BNIP5: variants seen among roughly 807,000 people sequenced by gnomAD.
BNIP5 encodes BCL2 interacting protein 5.
In BNIP5, 61 loss-of-function variants were observed where a neutral mutation model predicts 67.3. That is an observed-to-expected ratio of 0.91 (90% confidence interval 0.74 to 1.12). The LOEUF (loss-of-function observed/expected upper bound fraction) is 1.12. Among genes scored for constraint, BNIP5 ranks in the 50% most tolerant of loss-of-function variants. The probability of loss-of-function intolerance (pLI) is 0.00; values close to 1 mark genes in which losing one functional copy is unlikely to be tolerated. For missense variants in BNIP5, 826 were observed against 816.3 expected (o/e 1.01, Z -0.14); for synonymous variants, 317 against 319.0 (o/e 0.99, Z 0.07).
intron 7 of BNIP5, 86 bp from the exon 8 acceptor site, chr6:36,323,619 C>T: frequency 1.3e-6 from 2 of 1,500,904 alleles, no homozygotes; most frequent in Non-Finnish European, 1.8e-6. Flanking sequence ...CCACGGTGGG[C>T]TAGCAGGCGT....
intron 2 of BNIP5, 57 bp downstream of exon 2, chr6:36,330,024 T>C: frequency 2.0e-6 from 3 of 1,511,086 alleles, no homozygotes; most frequent in South Asian, 1.3e-5. Context: ...GAGAGGCTCC[T>C]GGAGCAAGTT....
In BNIP5 at chr6:36,333,899, C is replaced by A. The variant is rs141508482; in HGVS notation, c.-5+2813G>T. 2.1e-3 allele frequency among the ~76,000 whole-genome samples: 316 copies of A among 152,332 alleles called. 1 individual carries two copies. Among genetic ancestry groups the A allele is most frequent in the African/African-American group, 7.2e-3 (301 of 41,568 alleles). On this transcript the variant is annotated intron_variant, in intron 1 of 11. Coordinates refer to ENST00000437635, the MANE Select transcript of BNIP5 (RefSeq NM_001010903.5). ...GGATGGGGTTGTCAGAGAAGCTGTT[C>A]ATTAACAAAACCACAGAACCAGGAC...
chr6:36,328,667 T>C lies in BNIP5; in HGVS notation c.658A>G (p.Thr220Ala). The stretch of plus-strand genomic sequence containing the variant: ...TGGGGAGAAACATCCAAAGCTCCAG[T>C]ACCATCCACTTTGATGAGGAAGGAC... ...HQSFLIKVDG[T>A]GALDVSPHAT... is the part of the protein sequence containing the mutation. Residue 220 changes from threonine to alanine, a missense_variant, in exon 3 of 12, where the codon ACT becomes GCT. Coordinates refer to ENST00000437635, the MANE Select transcript of BNIP5 (RefSeq NM_001010903.5). 6.2e-7 allele frequency: 1 copy of C among 1,614,066 alleles called. No homozygotes were observed. The highest frequency in any genetic ancestry group is 8.5e-7 in the Non-Finnish European group (1 of 1,179,954).
chr6:36,331,119 G>A (rs747325264), intron 1 of BNIP5, among the ~76,000 whole-genome samples: 1 of 152,190 alleles, frequency 6.6e-6, no homozygotes. Flanking sequence ...TCCTGGTGCT[G>A]ACCAGTGGGC....
At chr6:36,331,334 C>G (rs1329400745) in intron 1 of BNIP5, among the ~76,000 whole-genome samples, 1 of 152,216 alleles carries the variant, frequency 6.6e-6, no homozygotes, top group African/African-American at 2.4e-5. Context: ...TAGCCCTGTC[C>G]ACACCTAGGT....
intron 9 of BNIP5, among the ~76,000 whole-genome samples, chr6:36,321,784 T>C (rs866285482): frequency 2.0e-5 from 3 of 152,250 alleles, no homozygotes; most frequent in African/African-American, 7.2e-5. Flanking sequence ...CTCGCCTCAC[T>C]GCAACCTCGG....
At chr6:36,334,916 G>A (rs776049974) in intron 1 of BNIP5, among the ~76,000 whole-genome samples, 12 of 152,202 alleles carry the variant, frequency 7.9e-5, no homozygotes, top group Non-Finnish European at 1.6e-4. Context: ...TCCTAAGTGA[G>A]CAGCGTGGTC....
intron 2 of BNIP5, 78 bp downstream of exon 2, chr6:36,330,003 G>C: frequency 6.8e-7 from 1 of 1,474,292 alleles, no homozygotes; most frequent in Middle Eastern, 2.2e-4. Context: ...GACTATCCCT[G>C]TCCCTCTGTG....
rs376382683 is a variant in BNIP5, at chr6:36,330,456, C to T, written c.235G>A (p.Glu79Lys). 255 of 1,614,170 alleles carry T rather than the reference C, an allele frequency of 1.6e-4. 1 individual carries two copies. In the South Asian group the frequency reaches 2.5e-3, roughly 16 times the overall value. ...CTGGGGAGAAAATCTCCGGTCTCCT[C>T]GGGAGTGGGGGCTGCAGCGGTGGTG... ...HCTTAAAPTP[E>K]ETGDFLPSEQ... Residue 79 changes from glutamate (E) to lysine (K), a missense_variant, in exon 2 of 12, where the codon GAG (glutamate) becomes AAG (lysine). By Grantham distance (56) the Glu-to-Lys change is moderately conservative. Coordinates refer to ENST00000437635, the MANE Select transcript of BNIP5 (RefSeq NM_001010903.5).
chr6:36,334,518 C>T (rs1486831300), intron 1 of BNIP5, among the ~76,000 whole-genome samples: 2 of 152,152 alleles, frequency 1.3e-5, no homozygotes, highest in East Asian at 3.9e-4. Context: ...TCCTCCCTCT[C>T]CCCCGCTCCA....
chr6:36,319,490 C>T lies in BNIP5; in HGVS notation c.1789G>A (p.Ala597Thr), dbSNP rs779023756. ...ACGTCAAACTGGTAGAGTCTCCTGG[C>T]GCGGTTCCTGTCCAGCTTAGAGGAG... ...AHSSKLDRNRARRLYQFDVSL... is the reference protein window; with the variant it reads ...AHSSKLDRNRTRRLYQFDVSL... Residue 597 changes from alanine (A) to threonine (T), a missense_variant, in exon 11 of 12, where the codon GCC (alanine) becomes ACC (threonine). Transcript: ENST00000437635. The T allele has an allele frequency of 6.8e-6, 11 of 1,614,026 alleles. No homozygotes were observed. Among genetic ancestry groups the T allele is most frequent in the Non-Finnish European group, 6.8e-6 (8 of 1,180,038 alleles).
At position 36,322,421 on chromosome 6, in the gene BNIP5, C is replaced by T. The variant is rs139943181; in HGVS notation, c.1493G>A (p.Arg498Gln). ...CTCCCCTTCTGCGGGCAGGGGCTCC[C>T]GGCACTCGAGATCTTCTGGATCTAG... Reference protein sequence around the residue: ...SSLDPEDLECREPLPAEGEPV... With the variant: ...SSLDPEDLECQEPLPAEGEPV... The change falls in exon 9 of 12, where the codon CGG becomes CAG. Residue 498 changes from arginine (R) to glutamine (Q), a missense_variant. Transcript: ENST00000437635. The T allele has an allele frequency of 3.8e-5, 61 of 1,613,756 alleles. No individual in the cohort carries two copies. The highest frequency in any genetic ancestry group is 4.7e-5 in the Non-Finnish European group (56 of 1,179,938).
intron 4 of BNIP5, 39 bp from the exon 5 acceptor site, chr6:36,326,792 A>T (rs776422809): frequency 6.2e-7 from 1 of 1,611,080 alleles, no homozygotes; most frequent in Non-Finnish European, 8.5e-7. Flanking sequence ...GGTTCATGAC[A>T]CTGAGAGGGG....
chr6:36,322,267 A>G (rs566320129), intron 9 of BNIP5, 44 bp downstream of exon 9: 2 of 1,611,638 alleles, frequency 1.2e-6, no homozygotes, highest in South Asian at 2.2e-5. Flanking sequence ...GTGGAAGAGA[A>G]GCACCCGGGA....
At position 36,325,187 on chromosome 6, in the gene BNIP5, T is replaced by C; in HGVS notation, c.1168+96A>G. The C allele has an allele frequency of 7.2e-6, 10 of 1,386,548 alleles. No individual in the cohort carries two copies. The South Asian group carries it at 1.2e-4, about 16-fold the overall frequency. The allele number at this position is 1,386,548 out of a possible 1,614,324, so 85.9% of individuals were successfully genotyped here. A position where few individuals can be genotyped will look rare whatever the true frequency, so the allele number is the denominator to read the frequency against. ...GTACTCAGAGGGAGGTCTGGACAGG[T>C]CACTGCCTCTCTCTGGCTCAGTGTC... On this transcript the variant is annotated intron_variant, in intron 6 of 11. Transcript: ENST00000437635.
At position 36,327,056 on chromosome 6, in the gene BNIP5, T is replaced by C. The variant is rs574314102; in HGVS notation, c.766A>G (p.Arg256Gly). The C allele has an allele frequency of 3.9e-4, 634 of 1,614,174 alleles. 9 individuals are homozygous for C. In the South Asian group the frequency reaches 6.0e-3, roughly 15 times the overall value. The change falls in exon 4 of 12, where the codon AGA becomes GGA. Residue 256 changes from arginine (R) to glycine (G), a missense_variant. Transcript: ENST00000437635. Reference sequence around the variant, plus strand: ...TCTTCTTCCCACTGGTCTCCCACTCTTTTGAGCAATTCCACTATCATCTGA... The same window carrying C: ...TCTTCTTCCCACTGGTCTCCCACTCCTTTGAGCAATTCCACTATCATCTGA... ...IIQMIVELLK[R>G]VGDQWEEEQS...
rs747714017 is a variant in BNIP5 at position 36,330,411 on chromosome 6, C to G, written c.280G>C (p.Asp94His). ...GTCTTCAGCCACCCCTTCTTGGTGT[C>G]TTGCGAAGGCCTCTGCTCGCTGGGG... Reference protein sequence around the residue: ...FLPSEQRPSQDTKKGWLKTML... With the variant: ...FLPSEQRPSQHTKKGWLKTML... Residue 94 changes from aspartate (D) to histidine (H), a missense_variant, in exon 2 of 12, where the codon GAC becomes CAC. Asp to His is a moderately conservative substitution (Grantham distance 81). Transcript: ENST00000437635. 1 of 1,614,200 alleles carries G rather than the reference C, an allele frequency of 6.2e-7. No homozygotes were observed. The highest frequency in any genetic ancestry group is 8.5e-7 in the Non-Finnish European group (1 of 1,180,034).
chr6:36,319,554 G>A lies in BNIP5; in HGVS notation c.1725C>T (p.Leu575=), dbSNP rs1442887996. 1.9e-6 allele frequency: 3 copies of A among 1,614,060 alleles called. No homozygotes were observed. The South Asian group carries it at 3.3e-5, about 18-fold the overall frequency. Residue 575 remains leucine (L), a synonymous_variant, in exon 11 of 12, where the codon CTC becomes CTT. Coordinates refer to ENST00000437635, the MANE Select transcript of BNIP5 (RefSeq NM_001010903.5). ...TGCGCAGGGTGGCTACCAGCTTGCT[G>A]AGGGAGGAGTCCGAGAACTCGTAAA... is the stretch of plus-strand genomic sequence containing the variant. ...RFFYEFSDSS[L]SKLVATLRSQ... is the part of the protein sequence containing the mutation.
chr6:36,330,397 C>T lies in BNIP5; in HGVS notation c.294G>A (p.Gly98=), dbSNP rs756600430. 89 of 1,614,094 alleles carry T rather than the reference C, an allele frequency of 5.5e-5. No homozygotes were observed. Among genetic ancestry groups the T allele is most frequent in the Non-Finnish European group, 7.2e-5 (85 of 1,180,054 alleles). The stretch of plus-strand genomic sequence containing the variant: ...AGAAGTTCAGCATGGTCTTCAGCCA[C>T]CCCTTCTTGGTGTCTTGCGAAGGCC... ...EQRPSQDTKK[G]WLKTMLNFFV... is the part of the protein sequence containing the mutation. The change falls in exon 2 of 12, where the codon GGG becomes GGA. Residue 98 remains glycine, a synonymous_variant. Transcript: ENST00000437635.
Sources: gnomAD v4.1 joint callset for allele counts (sites outside exome capture counted in the v4.1 genomes callset) on GRCh38, gnomAD v4.1.1 for gene constraint, MANE v1.5 for transcripts, NCBI Gene and HGNC (gene_info 2026-07-23, HGNC 2026-07-21) for gene names.